HECW1: variants seen among roughly 807,000 people sequenced by gnomAD.
HECW1 encodes the protein E3 ubiquitin-protein ligase HECW1.
Under a neutral mutation model 182.3 loss-of-function variants are expected in HECW1, and 61 were observed. The ratio of observed to expected loss-of-function variants is 0.33; its 90% CI spans 0.27 to 0.41. The LOEUF (loss-of-function observed/expected upper bound fraction) is 0.41, where lower values mean the gene tolerates loss of function less well. Among genes scored for constraint, HECW1 ranks in the 10% least tolerant of loss-of-function variants. HECW1 has a pLI of 1.00. For synonymous variants in HECW1, 859 were observed against 832.6 expected (o/e 1.03, Z -0.55); for missense variants, 1,739 against 2,108.9 (o/e 0.82, Z 3.44).
In HECW1 at chr7:43,542,011, TG is replaced by T; in HGVS notation, c.4248+17del. On this transcript the variant is annotated intron_variant, in intron 26 of 29. Coordinates refer to ENST00000395891, the MANE Select transcript of HECW1 (RefSeq NM_015052.5). Reference sequence around the variant, plus strand: ...GGTTTTTGGACAGGTTTGTGTGACATGGGGTTTGGAAAAGGGATTTTGTTTT... The same window carrying T: ...GGTTTTTGGACAGGTTTGTGTGACATGGGTTTGGAAAAGGGATTTTGTTTT... 1.3e-6 allele frequency: 2 copies of T among 1,484,354 alleles called. No individual in the cohort carries two copies. Among genetic ancestry groups the T allele is most frequent in the Non-Finnish European group, 1.8e-6 (2 of 1,119,008 alleles). The allele number at this position is 1,484,354 out of a possible 1,614,324, so 91.9% of individuals were successfully genotyped here.
intron 2 of HECW1, among the ~76,000 whole-genome samples, chr7:43,123,414 C>T (rs894884138): frequency 6.6e-6 from 1 of 152,108 alleles, no homozygotes; most frequent in Non-Finnish European, 1.5e-5. Context: ...GTCTGCTTGC[C>T]GAGAGACCAC....
intron 2 of HECW1, among the ~76,000 whole-genome samples, chr7:43,153,550 T>A (rs951166058): frequency 2.0e-5 from 3 of 152,190 alleles, no homozygotes; most frequent in African/African-American, 4.8e-5. Context: ...CTTGTCAGCA[T>A]CTGTTTTCTT....
At chr7:43,554,865 G>T in intron 29 of HECW1, 75 bp downstream of exon 29, 2 of 1,360,108 alleles carry the variant, frequency 1.5e-6, no homozygotes, top group South Asian at 1.3e-5. Context: ...GATTTTGAGT[G>T]ACCATCCTTT....
chr7:43,374,463 T>G (rs1360523429), intron 6 of HECW1, among the ~76,000 whole-genome samples: 1 of 151,958 alleles, frequency 6.6e-6, no homozygotes, highest in Non-Finnish European at 1.5e-5. Context: ...CCCAACCCAG[T>G]GGAAACAGAA....
At chr7:43,393,775 T>G (rs968566723) in intron 6 of HECW1, among the ~76,000 whole-genome samples, 1 of 152,038 alleles carries the variant, frequency 6.6e-6, no homozygotes, top group Non-Finnish European at 1.5e-5. Flanking sequence ...TATTTAAATA[T>G]GAAGAACCAA....
intron 3 of HECW1, among the ~76,000 whole-genome samples, chr7:43,282,812 T>A (rs1584317340): frequency 6.6e-6 from 1 of 152,104 alleles, no homozygotes; most frequent in Non-Finnish European, 1.5e-5. Context: ...TCACAGCATA[T>A]CTTGAACAGA....
chr7:43,173,047 C>T lies in HECW1; in HGVS notation c.-32+58656C>T, dbSNP rs116199058. Among the ~76,000 whole-genome samples the T allele has an allele frequency of 3.9e-3, 596 of 152,294 alleles. 3 individuals are homozygous for T. Among genetic ancestry groups the T allele is most frequent in the African/African-American group, 0.013 (560 of 41,560 alleles). ...GACAGAAGCCTCCGCGTTCAGACAC[C>T]CAACTCCTTAAAGCTAAAGTTCCTC... On this transcript the variant is annotated intron_variant, in intron 2 of 29. Coordinates refer to ENST00000395891, the MANE Select transcript of HECW1 (RefSeq NM_015052.5).
chr7:43,380,985 A>G (rs545642974), intron 6 of HECW1, among the ~76,000 whole-genome samples: 4 of 152,354 alleles, frequency 2.6e-5, no homozygotes, highest in African/African-American at 9.6e-5. Flanking sequence ...CAGTTGTTCC[A>G]CATCCTTGCT....
rs1267661196 is a variant in HECW1 at position 43,437,860 on chromosome 7, T to A, written c.802-143T>A. 6 of 808,112 alleles carry A rather than the reference T, an allele frequency of 7.4e-6. No individual in the cohort carries two copies. The African/African-American group carries it at 8.6e-5, about 12-fold the overall frequency. 50.1% of individuals were successfully genotyped at this position (808,112 alleles called of 1,614,324 possible). On this transcript the variant is annotated intron_variant, in intron 8 of 29. Coordinates refer to ENST00000395891, the MANE Select transcript of HECW1 (RefSeq NM_015052.5). Reference sequence around the variant, plus strand: ...GCCCCTCATTTACTGAATAAACAGGTTCACAACATTTCTGAGACCCTTTAT... The same window carrying A: ...GCCCCTCATTTACTGAATAAACAGGATCACAACATTTCTGAGACCCTTTAT...
At chr7:43,163,541 C>T (rs770365497) in intron 2 of HECW1, among the ~76,000 whole-genome samples, 1 of 152,250 alleles carries the variant, frequency 6.6e-6, no homozygotes, top group South Asian at 2.1e-4. Context: ...CAGGCCAAGT[C>T]GCAGACCATA....
intron 12 of HECW1, 92 bp from the exon 13 acceptor site, chr7:43,456,205 T>C: frequency 7.5e-7 from 1 of 1,333,680 alleles, no homozygotes; most frequent in Admixed American, 2.0e-5. Context: ...AATGGTGAGT[T>C]CTACCTGCAG....
At chr7:43,549,015 C>T (rs1016218339) in intron 26 of HECW1, among the ~76,000 whole-genome samples, 1 of 152,182 alleles carries the variant, frequency 6.6e-6, no homozygotes, top group Non-Finnish European at 1.5e-5. Context: ...CTCCCCACTG[C>T]TATCGCTAGG....
chr7:43,348,987 T>C (rs1584573770), intron 5 of HECW1, among the ~76,000 whole-genome samples: 1 of 152,098 alleles, frequency 6.6e-6, no homozygotes, highest in Non-Finnish European at 1.5e-5. Context: ...GTGTTCTGTG[T>C]TTGTTGAATG....
At chr7:43,347,798 T>C (rs1465509593) in intron 5 of HECW1, among the ~76,000 whole-genome samples, 2 of 152,228 alleles carry the variant, frequency 1.3e-5, no homozygotes, top group African/African-American at 4.8e-5. Flanking sequence ...TGTTTTCAAT[T>C]CTGTTTATGT....
chr7:43,442,447 C>A, intron 9 of HECW1, 82 bp from the exon 10 acceptor site: 1 of 961,236 alleles, frequency 1.0e-6, no homozygotes, highest in Non-Finnish European at 1.6e-6. Context: ...CCTGCCTCAC[C>A]CACTGGTATA....
At chr7:43,446,747 C>T (rs2077068822) in intron 11 of HECW1, among the ~76,000 whole-genome samples, 1 of 151,786 alleles carries the variant, frequency 6.6e-6, no homozygotes, top group Non-Finnish European at 1.5e-5. Context: ...ATGAGAAACG[C>T]AAGGAAATTG....
intron 2 of HECW1, among the ~76,000 whole-genome samples, chr7:43,136,010 T>G (rs1019228276): frequency 1.0e-4 from 15 of 150,674 alleles, no homozygotes; most frequent in African/African-American, 3.7e-4. Flanking sequence ...TGCTGATAGC[T>G]CCTTTTCAAA....
At chr7:43,408,118 A>T (rs1423370001) in intron 8 of HECW1, among the ~76,000 whole-genome samples, 1 of 152,186 alleles carries the variant, frequency 6.6e-6, no homozygotes, top group Non-Finnish European at 1.5e-5. Context: ...TCTTAAATAT[A>T]GCCTTCTAGA....
At chr7:43,392,826 A>G (rs1187694707) in intron 6 of HECW1, among the ~76,000 whole-genome samples, 1 of 152,204 alleles carries the variant, frequency 6.6e-6, no homozygotes, top group Non-Finnish European at 1.5e-5. Flanking sequence ...ACTGAGCTAT[A>G]GTCTCCGGAC....
Sources: allele counts gnomAD v4.1 joint callset (sites outside exome capture counted in the v4.1 genomes callset), GRCh38; gene constraint gnomAD v4.1.1; transcripts MANE v1.5; gene names NCBI Gene and HGNC (gene_info 2026-07-23, HGNC 2026-07-21).